Variants in SIDT2 observed in about 807,000 individuals in gnomAD.
SIDT2 encodes SID1 transmembrane family, member 2.
A neutral mutation model predicts 114.4 loss-of-function variants in SIDT2; 68 were observed. The ratio of observed to expected loss-of-function variants is 0.59; its 90% CI spans 0.49 to 0.73. The LOEUF is 0.73. Among genes scored for constraint, SIDT2 ranks in the 30% least tolerant of loss-of-function variants. The pLI is 0.00. For synonymous variants in SIDT2, 470 were observed against 438.4 expected (o/e 1.07, Z -0.90); for missense variants, 918 against 1,097.1 (o/e 0.84, Z 2.31).
chr11:117,193,011 T>G (rs2030760033), intron 22 of SIDT2, 142 bp from the exon 23 acceptor site: 1 of 1,328,214 alleles, frequency 7.5e-7, no homozygotes, highest in Admixed American at 1.7e-5. Flanking sequence ...CTCTTCTCTC[T>G]CTTGGCATCT....
intron 15 of SIDT2, 39 bp downstream of exon 15, chr11:117,189,440 G>T: frequency 6.2e-7 from 1 of 1,602,704 alleles, no homozygotes; most frequent in Non-Finnish European, 8.5e-7. Flanking sequence ...CGACAGCCTA[G>T]GACACCGCCC....
rs1565284525 is a variant in SIDT2 at position 117,182,596 on chromosome 11, A to C, written c.594A>C (p.Ser198=). 6.2e-7 allele frequency: 1 copy of C among 1,614,114 alleles called. No individual in the cohort carries two copies. The highest frequency in any genetic ancestry group is 8.5e-7 in the Non-Finnish European group (1 of 1,180,054). The change falls in exon 5 of 26, where the codon TCA becomes TCC. Residue 198 remains serine, a synonymous_variant. Coordinates refer to ENST00000324225, the MANE Select transcript of SIDT2 (RefSeq NM_001040455.2). ...CCTCCAACAAGGCCTTCCCCTGCTC[A>C]GTCATCTCCATTCAGGATGTGCTGG... The part of the protein sequence containing the change: ...KVTSNKAFPC[S]VISIQDVLCP...
intron 9 of SIDT2, 111 bp downstream of exon 9, chr11:117,186,334 C>A: frequency 1.0e-6 from 1 of 986,832 alleles, no homozygotes; most frequent in Non-Finnish European, 1.6e-6. Context: ...CCATCCATAG[C>A]AGATGATGGT....
chr11:117,186,013 G>T, intron 8 of SIDT2, 117 bp from the exon 9 acceptor site: 2 of 792,048 alleles, frequency 2.5e-6, no homozygotes, highest in Non-Finnish European at 4.2e-6. Context: ...CCTTACATTT[G>T]AGGGGAGAAG....
chr11:117,189,356 C>A lies in SIDT2; in HGVS notation c.1374C>A (p.Val458=). The change falls in exon 15 of 26, where the codon GTC becomes GTA. Residue 458 remains valine, a synonymous_variant. Transcript: ENST00000324225. ...GCAGGAACATTGCCACCATTGCTGT[C>A]TTCTATGCCCTTCCTGTGGTGCAGC... ...IYFWNIATIA[V]FYALPVVQLV... 6.2e-7 allele frequency: 1 copy of A among 1,614,226 alleles called. No individual in the cohort carries two copies. Among genetic ancestry groups the A allele is most frequent in the South Asian group, 1.1e-5 (1 of 91,084 alleles).
chr11:117,190,402 TC>T lies in SIDT2; in HGVS notation c.1617+117del, dbSNP rs2030655227. 4.1e-6 allele frequency: 6 copies of T among 1,456,626 alleles called. No individual in the cohort carries two copies. In the African/African-American group the frequency reaches 7.2e-5, roughly 18 times the overall value. 90.2% of individuals were successfully genotyped at this position (1,456,626 alleles called of 1,614,324 possible). On this transcript the variant is annotated intron_variant, in intron 17 of 25. Transcript: ENST00000324225. This position sits in a 1 kb window ranked among gnomAD's most constrained non-coding sequence, Gnocchi z 4.1. ...GGCCCTGCCTTCCCCAGCTCTCCCC[TC>T]CCCAGTTCTGTCTGGCCCACCCTAT...
rs533243025 is a variant in SIDT2, at chr11:117,194,826, C to A, written c.2322+863C>A. 1.3e-5 allele frequency among the ~76,000 whole-genome samples: 2 copies of A among 152,118 alleles called. 1 individual carries two copies. The highest frequency in any genetic ancestry group is 4.1e-4 in the South Asian group (2 of 4,824). On this transcript the variant is annotated intron_variant, in intron 24 of 25. Coordinates refer to ENST00000324225, the MANE Select transcript of SIDT2 (RefSeq NM_001040455.2). ...GAGGAGGGCTGGGCACGGTGGCTCA[C>A]GCCTGTAATCCCAGCACTTTGGGAG...
In SIDT2 at chr11:117,179,321, C is replaced by T; in HGVS notation, c.58C>T (p.Leu20=). Residue 20 remains leucine (L), a synonymous_variant, in exon 1 of 26, where the codon CTG becomes TTG. Transcript: ENST00000324225. ...CTTGGTGGCCTCGGTCGAGAGCCATCTGGGGGTTCTGGGGCCCAAGAACGT... is the reference window on the plus strand; with the variant it reads ...CTTGGTGGCCTCGGTCGAGAGCCATTTGGGGGTTCTGGGGCCCAAGAACGT... ...VLLVASVESH[L]GVLGPKNVSQ... 1.2e-6 allele frequency: 2 copies of T among 1,614,184 alleles called. No homozygotes were observed. Among genetic ancestry groups the T allele is most frequent in the Non-Finnish European group, 1.7e-6 (2 of 1,180,038 alleles).
chr11:117,182,252 A>G (rs2030317873), intron 4 of SIDT2, 147 bp downstream of exon 4: 2 of 924,306 alleles, frequency 2.2e-6, no homozygotes, highest in African/African-American at 1.7e-5. Flanking sequence ...TGGCCCTGAC[A>G]TGGTGAGGGA....
rs2030891836 is a variant in SIDT2 at position 117,196,203 on chromosome 11, G to C, written c.*137G>C. 8.2e-7 allele frequency: 1 copy of C among 1,219,668 alleles called. No homozygotes were observed. The highest frequency in any genetic ancestry group is 1.5e-5 in the African/African-American group (1 of 66,924). 75.6% of individuals were successfully genotyped at this position (1,219,668 alleles called of 1,614,324 possible). Reference sequence around the variant, plus strand: ...GATGGCAGCAGGACAGCCAGGTCTAGCTTAGGCTTGGCCTGGGACAGCCAT... The same window carrying C: ...GATGGCAGCAGGACAGCCAGGTCTACCTTAGGCTTGGCCTGGGACAGCCAT... On this transcript the variant is annotated 3_prime_UTR_variant, in exon 26 of 26. Transcript: ENST00000324225. The surrounding 1 kb of genome is among the most constrained non-coding windows in gnomAD (Gnocchi z 4.9).
chr11:117,187,210 C>T lies in SIDT2; in HGVS notation c.1016-168C>T, dbSNP rs147230843. Among the ~76,000 whole-genome samples, 931 of 144,984 alleles carry T rather than the reference C, an allele frequency of 6.4e-3. 19 individuals carry two copies. The South Asian group carries it at 0.066, about 10-fold the overall frequency. ...GGGAGAGGCAGGCAGGGGGCTGGGG[C>T]GGGTGGTGGTGGCAGCAGTGGGGTG... is the stretch of plus-strand genomic sequence containing the variant. On this transcript the variant is annotated intron_variant, in intron 10 of 25. Coordinates refer to ENST00000324225, the MANE Select transcript of SIDT2 (RefSeq NM_001040455.2).
Position 117,179,190 on chromosome 11 carries a change from C to G in SIDT2, c.-74C>G, listed in dbSNP as rs1401210306. The G allele has an allele frequency of 4.8e-6, 7 of 1,448,594 alleles. No individual in the cohort carries two copies. Among genetic ancestry groups the G allele is most frequent in the Admixed American group, 4.2e-5 (2 of 47,442 alleles). 89.7% of individuals were successfully genotyped at this position (1,448,594 alleles called of 1,614,324 possible). ...GGAAGCTGCGGCCGCAGCCGCAACC[C>G]GTCCCGGAGGTGTCCTGTCTCCTGT... On this transcript the variant is annotated 5_prime_UTR_variant, in exon 1 of 26. Coordinates refer to ENST00000324225, the MANE Select transcript of SIDT2 (RefSeq NM_001040455.2).
In SIDT2 at chr11:117,190,272, A is replaced by T; in HGVS notation, c.1600A>T (p.Asn534Tyr). The change falls in exon 17 of 26, where the codon AAT becomes TAT. Residue 534 changes from asparagine (N) to tyrosine (Y), a missense_variant. Around this residue, in one of 4 missense-constraint regions of SIDT2, gnomAD observed 72 missense variants for 59.9 expected, o/e 1.20. Coordinates refer to ENST00000324225, the MANE Select transcript of SIDT2 (RefSeq NM_001040455.2). The surrounding 1 kb of genome is among the most constrained non-coding windows in gnomAD (Gnocchi z 4.1). ...CAACCACAACCGGGCCCTGCTGCGCAATGACCTCTGTGCCCTGGTAAGGGA... is the reference window on the plus strand; with the variant it reads ...CAACCACAACCGGGCCCTGCTGCGCTATGACCTCTGTGCCCTGGTAAGGGA... ...EINHNRALLR[N>Y]DLCALECGIP... 6.4e-7 allele frequency: 1 copy of T among 1,552,474 alleles called. No individual in the cohort carries two copies. The highest frequency in any genetic ancestry group is 1.2e-5 in the South Asian group (1 of 80,438).
intron 8 of SIDT2, chr11:117,185,884 A>T: frequency 3.2e-6 from 1 of 316,222 alleles, no homozygotes; most frequent in East Asian, 5.6e-5. Flanking sequence ...AAAAAAAAAA[A>T]AAAAAAAAAA....
chr11:117,194,072 G>T lies in SIDT2; in HGVS notation c.2322+109G>T, dbSNP rs902760908. The T allele has an allele frequency of 4.9e-6, 4 of 815,136 alleles. No homozygotes were observed. In the African/African-American group the frequency reaches 6.8e-5, roughly 14 times the overall value. The allele number at this position is 815,136 out of a possible 1,614,324, so 50.5% of individuals were successfully genotyped here. ...TGTAATCCCAGCACTTTGGGAAGCT[G>T]AGGCAGGAGGATCACTTGAGGCGTT... On this transcript the variant is annotated intron_variant, in intron 24 of 25. Transcript: ENST00000324225.
chr11:117,190,579 T>C lies in SIDT2; in HGVS notation c.1618-44T>C. The stretch of plus-strand genomic sequence containing the variant: ...TCTTTTGGGTCCCTTCTTCCCTTCC[T>C]GCCTCACTTCCTCCCTCCCTTCCCT... On this transcript the variant is annotated intron_variant, in intron 17 of 25. Transcript: ENST00000324225. The surrounding 1 kb of genome is among the most constrained non-coding windows in gnomAD (Gnocchi z 4.1). The C allele has an allele frequency of 6.0e-6, 9 of 1,489,006 alleles. No individual in the cohort carries two copies. Among genetic ancestry groups the C allele is most frequent in the Non-Finnish European group, 8.3e-6 (9 of 1,089,676 alleles). 92.2% of individuals were successfully genotyped at this position (1,489,006 alleles called of 1,614,324 possible). A position where few individuals can be genotyped will look rare whatever the true frequency, so the allele number is the denominator to read the frequency against.
chr11:117,190,741 G>C lies in SIDT2; in HGVS notation c.1735+1G>C. 1.2e-6 allele frequency: 2 copies of C among 1,611,258 alleles called. No homozygotes were observed. The highest frequency in any genetic ancestry group is 1.7e-6 in the Non-Finnish European group (2 of 1,177,424). Reference sequence around the variant, plus strand: ...CCCAACTATACCAATTTCCAGTTTGGTGAGTGGGGCGTCCTTCTTTTCTGG... The same window carrying C: ...CCCAACTATACCAATTTCCAGTTTGCTGAGTGGGGCGTCCTTCTTTTCTGG... On this transcript the variant is annotated splice_donor_variant, in intron 18 of 25. Transcript: ENST00000324225. LOFTEE classifies it high-confidence loss of function. The surrounding 1 kb of genome is among the most constrained non-coding windows in gnomAD (Gnocchi z 4.1).
chr11:117,192,553 A>C lies in SIDT2; in HGVS notation c.1982-21A>C. 1 of 1,606,360 alleles carries C rather than the reference A, an allele frequency of 6.2e-7. No individual in the cohort carries two copies. Among genetic ancestry groups the C allele is most frequent in the Non-Finnish European group, 8.5e-7 (1 of 1,179,874 alleles). On this transcript the variant is annotated intron_variant, in intron 20 of 25. Transcript: ENST00000324225. This position sits in a 1 kb window ranked among gnomAD's most constrained non-coding sequence, Gnocchi z 5.9. The stretch of plus-strand genomic sequence containing the variant: ...AGGAGGGTGCCCCGTGCCTGTCAGC[A>C]CCACTCCCTTCTCTTCGCAGACTCG...
intron 14 of SIDT2, 39 bp downstream of exon 14, chr11:117,189,281 G>A (rs1403381292): frequency 6.2e-7 from 1 of 1,613,870 alleles, no homozygotes; most frequent in Non-Finnish European, 8.5e-7. Context: ...CTGTTGGTGG[G>A]TGTGTGGCAG....
Sources: gnomAD v4.1 joint callset for allele counts (sites outside exome capture counted in the v4.1 genomes callset) on GRCh38, gnomAD v4.1.1 for gene constraint, gnomAD v4.1.1 regional missense constraint, Gnocchi (gnomAD v3.1) non-coding constraint, MANE v1.5 for transcripts, NCBI Gene and HGNC (gene_info 2026-07-23, HGNC 2026-07-21) for gene names.